Variants in PCDHGB3 observed in about 807,000 individuals in gnomAD.
The protein encoded by PCDHGB3 is protocadherin gamma-B3.
Under a neutral mutation model 59.2 loss-of-function variants are expected in PCDHGB3, and 40 were observed. That is an observed-to-expected ratio of 0.68 (90% confidence interval 0.52 to 0.88). The LOEUF (loss-of-function observed/expected upper bound fraction) is 0.88, where lower values mean the gene tolerates loss of function less well. PCDHGB3 is among the 40% of genes least tolerant of loss of function. The pLI is 0.00. For synonymous variants in PCDHGB3, 581 were observed against 503.6 expected (o/e 1.15, Z -2.06); for missense variants, 1,309 against 1,187.9 (o/e 1.10, Z -1.50).
At chr5:141,420,334 T>A in intron 1 of PCDHGB3, 1 of 1,402,910 alleles carries the variant, frequency 7.1e-7, no homozygotes, top group Non-Finnish European at 9.5e-7. Context: ...TATATTCCAA[T>A]ATAGTGGTAT....
chr5:141,433,592 T>C (rs1043652093), intron 1 of PCDHGB3, among the ~76,000 whole-genome samples: 5 of 152,020 alleles, frequency 3.3e-5, no homozygotes, highest in Non-Finnish European at 7.4e-5. Context: ...TCCCAGTACT[T>C]TGGGAGGCCG....
chr5:141,418,954 T>C (rs1490406390), intron 1 of PCDHGB3: 2 of 1,613,914 alleles, frequency 1.2e-6, no homozygotes, highest in Admixed American at 1.7e-5. Flanking sequence ...CAGGAGTGGT[T>C]GTTGCCCTCT....
Position 141,372,633 on chromosome 5 carries a change from A to C in PCDHGB3, c.2239A>C (p.Thr747Pro). Reference protein sequence around the residue: ...PGVLPTYSERTLPYSYNPCAA... With the variant: ...PGVLPTYSERPLPYSYNPCAA... The stretch of plus-strand genomic sequence containing the variant: ...AGTTCTCCCCACCTACAGCGAAAGG[A>C]CTTTGCCTTATTCCTACAATCCGTG... Residue 747 changes from threonine to proline, a missense_variant, in exon 1 of 4, where the codon ACT becomes CCT. Thr to Pro is a conservative substitution (Grantham distance 38). Coordinates refer to ENST00000576222, the MANE Select transcript of PCDHGB3 (RefSeq NM_018924.5). 6.2e-7 allele frequency: 1 copy of C among 1,613,996 alleles called. No individual in the cohort carries two copies. The highest frequency in any genetic ancestry group is 1.6e-4 in the Middle Eastern group (1 of 6,062).
At chr5:141,468,330 C>CAAAAA (rs533390277) in intron 1 of PCDHGB3, 4 of 79,848 alleles carry the variant, frequency 5.0e-5, no homozygotes, top group African/African-American at 7.8e-5. Context: ...AACTCCATCT[C>CAAAAA]AAAAAAAAAA....
At chr5:141,403,655 A>T (rs1262068795) in intron 1 of PCDHGB3, 6 of 1,613,798 alleles carry the variant, frequency 3.7e-6, no homozygotes, top group Non-Finnish European at 4.2e-6. Context: ...AGTGTTGGAT[A>T]CAAATGATAA....
At chr5:141,495,213 C>T (rs568314100) in intron 2 of PCDHGB3, among the ~76,000 whole-genome samples, 1 of 152,326 alleles carries the variant, frequency 6.6e-6, no homozygotes, top group South Asian at 2.1e-4. Flanking sequence ...AACCCCCTCC[C>T]CTGAGTTGAG....
At chr5:141,408,104 C>A (rs546603908) in intron 1 of PCDHGB3, 5 of 1,441,798 alleles carry the variant, frequency 3.5e-6, no homozygotes, top group Non-Finnish European at 2.7e-6. Flanking sequence ...CTCCGAGACC[C>A]GGGACTCCTC....
At position 141,375,271 on chromosome 5, in the gene PCDHGB3, A is replaced by C. The variant is rs748119820; in HGVS notation, c.2415+2462A>C. 1.5e-5 allele frequency: 24 copies of C among 1,613,884 alleles called. No homozygotes were observed. The East Asian group carries it at 4.5e-4, about 30-fold the overall frequency. On this transcript the variant is annotated intron_variant, in intron 1 of 3. Coordinates refer to ENST00000576222, the MANE Select transcript of PCDHGB3 (RefSeq NM_018924.5). ...GAAGTCTCCCATTTGAATTGGAAAAATCAGTTGGCAATTATTATCGATTAG... is the reference window on the plus strand; with the variant it reads ...GAAGTCTCCCATTTGAATTGGAAAACTCAGTTGGCAATTATTATCGATTAG...
rs777568111 is a variant in PCDHGB3 at position 141,404,292 on chromosome 5, A to G, written c.2415+31483A>G. On this transcript the variant is annotated intron_variant, in intron 1 of 3. Coordinates refer to ENST00000576222, the MANE Select transcript of PCDHGB3 (RefSeq NM_018924.5). ...ACCCTGCAAGTGACTGACATCAATG[A>G]TAATCCACCTGCTTTCTCTCAAGCC... 2.5e-6 allele frequency: 4 copies of G among 1,613,864 alleles called. No homozygotes were observed. Among genetic ancestry groups the G allele is most frequent in the South Asian group, 1.1e-5 (1 of 91,082 alleles).
intron 1 of PCDHGB3, among the ~76,000 whole-genome samples, chr5:141,430,390 A>G (rs1231067120): frequency 6.6e-6 from 1 of 152,216 alleles, no homozygotes; most frequent in Non-Finnish European, 1.5e-5. Flanking sequence ...TGGGAAAAAA[A>G]AAAAAAGCTC....
intron 1 of PCDHGB3, among the ~76,000 whole-genome samples, chr5:141,433,641 G>A (rs1177387884): frequency 6.6e-6 from 1 of 152,104 alleles, no homozygotes; most frequent in Non-Finnish European, 1.5e-5. Flanking sequence ...TTTGAGACCA[G>A]CCTGACCAAC....
chr5:141,505,436 T>C lies in PCDHGB3; in HGVS notation c.2518T>C (p.Phe840Leu). 1.2e-6 allele frequency: 2 copies of C among 1,614,118 alleles called. No homozygotes were observed. The highest frequency in any genetic ancestry group is 1.7e-6 in the Non-Finnish European group (2 of 1,179,998). ...DDTGTWPNNQ[F>L]DTEMLQAMIL... is the part of the protein sequence containing the mutation. ...CACCGGCACCTGGCCCAACAACCAG[T>C]TTGACACAGAGATGCTGCAAGCCAT... Residue 840 changes from phenylalanine (F) to leucine (L), a missense_variant, in exon 3 of 4, where the codon TTT becomes CTT. Phe to Leu is a conservative substitution (Grantham distance 22). Coordinates refer to ENST00000576222, the MANE Select transcript of PCDHGB3 (RefSeq NM_018924.5).
Position 141,512,738 on chromosome 5 carries a change from C to A in PCDHGB3, c.*1565C>A, listed in dbSNP as rs1350606944. 2 of 152,840 alleles carry A rather than the reference C, an allele frequency of 1.3e-5. No individual in the cohort carries two copies. The highest frequency in any genetic ancestry group is 2.1e-4 in the South Asian group (1 of 4,838). The allele number at this position is 152,840 out of a possible 1,614,324, so 9.5% of individuals were successfully genotyped here. A position where few individuals can be genotyped will look rare whatever the true frequency, so the allele number is the denominator to read the frequency against. On this transcript the variant is annotated 3_prime_UTR_variant, in exon 4 of 4. Transcript: ENST00000576222. ...TGGCGGGTGGGCAGCGGGCGGCGGG[C>A]TCCGCGCAGCCGTCTGTCCTTGATC...
At position 141,491,891 on chromosome 5, in the gene PCDHGB3, G is replaced by T. The variant is rs1487484740; in HGVS notation, c.2416-2916G>T. On this transcript the variant is annotated intron_variant, in intron 1 of 3. Coordinates refer to ENST00000576222, the MANE Select transcript of PCDHGB3 (RefSeq NM_018924.5). This position sits in a 1 kb window ranked among gnomAD's most constrained non-coding sequence, Gnocchi z 6.9. ...GTGGCCGATTAAGGGATGGGGCTCC[G>T]AGCACCGGGGGTGGTGGCGACTGTG... 19 of 1,439,438 alleles carry T rather than the reference G, an allele frequency of 1.3e-5. No homozygotes were observed. The East Asian group carries it at 4.8e-4, about 36-fold the overall frequency. 89.2% of individuals were successfully genotyped at this position (1,439,438 alleles called of 1,614,324 possible). A position where few individuals can be genotyped will look rare whatever the true frequency, so the allele number is the denominator to read the frequency against.
intron 1 of PCDHGB3, chr5:141,374,885 G>A (rs753304716): frequency 9.3e-6 from 15 of 1,613,516 alleles, no homozygotes; most frequent in South Asian, 1.1e-5. Flanking sequence ...GACTGCCACC[G>A]ACCAGGATGA....
chr5:141,419,769 CGGT>C, intron 1 of PCDHGB3: 1 of 1,614,006 alleles, frequency 6.2e-7, no homozygotes, highest in Non-Finnish European at 8.5e-7. Context: ...GACAAGGACT[CGGT>C]CCGCCAGCGC....
At chr5:141,409,545 A>G in intron 1 of PCDHGB3, 1 of 1,613,938 alleles carries the variant, frequency 6.2e-7, no homozygotes, top group African/African-American at 1.3e-5. Flanking sequence ...ATCAACGACA[A>G]CGCCCCAGTT....
In PCDHGB3 at chr5:141,448,944, C is replaced by CAAAA. The variant is rs560691811; in HGVS notation, c.2416-45859_2416-45856dup. Among the ~76,000 whole-genome samples, 218 of 152,004 alleles carry CAAAA rather than the reference C, an allele frequency of 1.4e-3. 1 individual carries two copies. The highest frequency in any genetic ancestry group is 5.1e-3 in the African/African-American group (213 of 41,464). On this transcript the variant is annotated intron_variant, in intron 1 of 3. Coordinates refer to ENST00000576222, the MANE Select transcript of PCDHGB3 (RefSeq NM_018924.5). ...TGGGCGACAGAGCAAGACTGCAACTCAAAAAAACAAACAAACAAACAAAAA... is the reference window on the plus strand; with the variant it reads ...TGGGCGACAGAGCAAGACTGCAACTCAAAAAAAAAAACAAACAAACAAACAAAAA...
In PCDHGB3 at chr5:141,477,551, C is replaced by T. The variant is rs372055994; in HGVS notation, c.2416-17256C>T. ...CCTCCCCGGGGCTCCAATACTAAAC[C>T]TAAGTGTCTGGGACCCCGACGCCCC... On this transcript the variant is annotated intron_variant, in intron 1 of 3. Coordinates refer to ENST00000576222, the MANE Select transcript of PCDHGB3 (RefSeq NM_018924.5). The surrounding 1 kb of genome is among the most constrained non-coding windows in gnomAD (Gnocchi z 4.9). The T allele has an allele frequency of 8.1e-6, 13 of 1,614,060 alleles. No homozygotes were observed. Among genetic ancestry groups the T allele is most frequent in the Non-Finnish European group, 1.0e-5 (12 of 1,180,042 alleles).
Sources: gnomAD v4.1 joint callset for allele counts (sites outside exome capture counted in the v4.1 genomes callset) on GRCh38, gnomAD v4.1.1 for gene constraint, Gnocchi (gnomAD v3.1) non-coding constraint, MANE v1.5 for transcripts, NCBI Gene and HGNC (gene_info 2026-07-23, HGNC 2026-07-21) for gene names.